Variants in ADARB2 observed in about 807,000 individuals in gnomAD.
ADARB2 encodes the protein inactive double-stranded RNA-specific editase B2.
ADARB2 carries 25 observed loss-of-function variants against 62.2 expected under a neutral mutation model. The ratio of observed to expected loss-of-function variants is 0.40; its 90% confidence interval spans 0.29 to 0.56. ADARB2 has a LOEUF of 0.56. Ranked by LOEUF, ADARB2 falls within the 20% of genes least tolerant of loss-of-function variation. The pLI, the probability that ADARB2 is intolerant of heterozygous loss-of-function variation, is 0.43. For synonymous variants in ADARB2, 572 were observed against 500.8 expected (o/e 1.14, Z -1.90); for missense variants, 1,071 against 1,077.4 (o/e 0.99, Z 0.08).
intron 7 of ADARB2, chr10:1,215,602 C>T (rs1043056139): frequency 1.3e-5 from 2 of 152,170 alleles, no homozygotes; most frequent in East Asian, 3.9e-4. Flanking sequence ...GGGTGGCACC[C>T]GGAGACCACA....
intron 1 of ADARB2, among the ~76,000 whole-genome samples, chr10:1,683,463 G>C (rs1490913044): frequency 6.6e-6 from 1 of 152,194 alleles, no homozygotes; most frequent in Non-Finnish European, 1.5e-5. Context: ...GTGATGAAAA[G>C]TTCAGAAACT....
At chr10:1,609,269 T>G (rs1478179527) in intron 1 of ADARB2, among the ~76,000 whole-genome samples, 1 of 152,222 alleles carries the variant, frequency 6.6e-6, no homozygotes, top group African/African-American at 2.4e-5. Flanking sequence ...AATGAGTTCA[T>G]TTTCAAGCTA....
At chr10:1,265,794 C>A (rs1831191820) in intron 4 of ADARB2, among the ~76,000 whole-genome samples, 3 of 144,340 alleles carry the variant, frequency 2.1e-5, no homozygotes, top group Admixed American at 2.1e-4. Flanking sequence ...GGTCCACGCT[C>A]CCCCGGAAGA....
At chr10:1,268,609 A>G (rs887472532) in intron 4 of ADARB2, among the ~76,000 whole-genome samples, 1 of 152,224 alleles carries the variant, frequency 6.6e-6, no homozygotes, top group African/African-American at 2.4e-5. Flanking sequence ...TGAATAACTG[A>G]ACTAGAATTA....
At chr10:1,717,051 A>AGTTATTCTGATCACAT (rs200531448) in intron 1 of ADARB2, among the ~76,000 whole-genome samples, 8 of 148,480 alleles carry the variant, frequency 5.4e-5, no homozygotes, top group African/African-American at 9.9e-5. Flanking sequence ...TCTGATCACA[A>AGTTATTCTGATCACAT]GTTATTCTGA....
chr10:1,661,668 G>A (rs1032018808), intron 1 of ADARB2, among the ~76,000 whole-genome samples: 2 of 152,208 alleles, frequency 1.3e-5, no homozygotes, highest in Non-Finnish European at 2.9e-5. Context: ...CACCATGTGA[G>A]GGTCGGCATT....
intron 1 of ADARB2, among the ~76,000 whole-genome samples, chr10:1,443,346 A>T (rs1412284953): frequency 2.0e-5 from 3 of 152,180 alleles, no homozygotes; most frequent in African/African-American, 7.2e-5. Flanking sequence ...CCTCAAAACT[A>T]ACTGTCTTCA....
intron 1 of ADARB2, among the ~76,000 whole-genome samples, chr10:1,408,611 A>G (rs1413033699): frequency 1.3e-5 from 2 of 152,116 alleles, no homozygotes; most frequent in Non-Finnish European, 2.9e-5. Context: ...CCGTGAGTGC[A>G]ATTTTAAAAG....
intron 5 of ADARB2, 83 bp from the exon 6 acceptor site, chr10:1,233,928 T>C: frequency 7.1e-7 from 1 of 1,410,014 alleles, no homozygotes; most frequent in Non-Finnish European, 9.5e-7. Context: ...GAGTCCTGTT[T>C]TGTAGAGTTG....
At position 1,412,996 on chromosome 10, in the gene ADARB2, G is replaced by T. The variant is rs61831768; in HGVS notation, c.101-33836C>A. ...GCCCACTGCCTCAGGGCTGGCGGGA[G>T]GGTGGATGGGCCCTCGGGCTGTGGG... On this transcript the variant is annotated intron_variant, in intron 1 of 9. Transcript: ENST00000381312. 8.8e-3 allele frequency among the ~76,000 whole-genome samples: 1,335 copies of T among 152,302 alleles called. 6 individuals carry two copies. Among genetic ancestry groups the T allele is most frequent in the Non-Finnish European group, 0.014 (933 of 68,028 alleles).
At position 1,182,869 on chromosome 10, in the gene ADARB2, G is replaced by T; in HGVS notation, c.*324C>A. On this transcript the variant is annotated 3_prime_UTR_variant, in exon 10 of 10. Transcript: ENST00000381312. ...CTGAGGCTCACTCCTGCCTGGTGTC[G>T]TGTCGGTGCCTCCTTCCAAGGCTGC... The T allele has an allele frequency of 3.8e-6, 1 of 266,140 alleles. No homozygotes were observed. Among genetic ancestry groups the T allele is most frequent in the South Asian group, 5.7e-5 (1 of 17,558 alleles). 16.5% of individuals were successfully genotyped at this position (266,140 alleles called of 1,614,324 possible). A position where few individuals can be genotyped will look rare whatever the true frequency, so the allele number is the denominator to read the frequency against.
At chr10:1,327,313 A>G (rs374587671) in intron 3 of ADARB2, among the ~76,000 whole-genome samples, 532 of 19,198 alleles carry the variant, frequency 0.028, 70 homozygotes, top group African/African-American at 0.052. Context: ...ACGGCACAGC[A>G]CCTCCTCACT....
chr10:1,340,253 A>G (rs374088572), intron 3 of ADARB2, among the ~76,000 whole-genome samples: 823 of 79,912 alleles, frequency 0.01, no homozygotes, highest in African/African-American at 0.024. Flanking sequence ...AGAGAACCAC[A>G]CACCCCACAG....
intron 4 of ADARB2, among the ~76,000 whole-genome samples, chr10:1,268,952 G>T (rs1831233448): frequency 6.6e-6 from 1 of 152,144 alleles, no homozygotes; most frequent in Non-Finnish European, 1.5e-5. Flanking sequence ...TCCAAAACTT[G>T]CCAGATTTGT....
chr10:1,554,853 G>T (rs1723547638), intron 1 of ADARB2, among the ~76,000 whole-genome samples: 1 of 152,092 alleles, frequency 6.6e-6, no homozygotes. Context: ...CCCAGGTAGT[G>T]AGCATAGAAC....
intron 1 of ADARB2, among the ~76,000 whole-genome samples, chr10:1,440,361 T>G (rs1830890458): frequency 6.6e-6 from 1 of 151,954 alleles, no homozygotes; most frequent in Admixed American, 6.6e-5. Flanking sequence ...GGACCGTGTC[T>G]AATATTAAAT....
chr10:1,429,014 A>C (rs1329945097), intron 1 of ADARB2, among the ~76,000 whole-genome samples: 2 of 151,256 alleles, frequency 1.3e-5, no homozygotes, highest in Non-Finnish European at 2.9e-5. Context: ...TTCTGGTCTG[A>C]ATCAGGTGGG....
chr10:1,388,567 G>A (rs981729021), intron 1 of ADARB2, among the ~76,000 whole-genome samples: 3 of 151,974 alleles, frequency 2.0e-5, no homozygotes, highest in South Asian at 2.1e-4. Context: ...ATGCTTCTAT[G>A]TACCAGTAAT....
chr10:1,624,411 G>A (rs542916748), intron 1 of ADARB2, among the ~76,000 whole-genome samples: 1 of 152,196 alleles, frequency 6.6e-6, no homozygotes, highest in Admixed American at 6.5e-5. Flanking sequence ...TCTCCTACCC[G>A]TGGCTCCGAG....
Sources: allele counts gnomAD v4.1 joint callset (sites outside exome capture counted in the v4.1 genomes callset), GRCh38; gene constraint gnomAD v4.1.1; transcripts MANE v1.5; gene names NCBI Gene and HGNC (gene_info 2026-07-23, HGNC 2026-07-21).